The following TLN1 variants were observed in gnomAD, a reference collection of about 807,000 sequenced individuals.
The protein encoded by TLN1 is talin-1.
Under a neutral mutation model 292.3 loss-of-function variants are expected in TLN1, and 56 were observed. That is an observed-to-expected ratio of 0.19 (90% CI 0.15 to 0.24). The LOEUF is 0.24. Ranked by LOEUF, TLN1 falls within the 10% of genes least tolerant of loss-of-function variation. The probability of loss-of-function intolerance (pLI) is 1.00; values close to 1 mark genes in which losing one functional copy is unlikely to be tolerated. For synonymous variants in TLN1, 1,119 were observed against 1,253.7 expected (o/e 0.89, Z 2.27); for missense variants, 2,433 against 3,248.2 (o/e 0.75, Z 6.10).
chr9:35,731,238 C>T (rs1414550552), intron 1 of TLN1, among the ~76,000 whole-genome samples: 1 of 152,172 alleles, frequency 6.6e-6, no homozygotes, highest in Admixed American at 6.5e-5. Context: ...TGCTCAAGGT[C>T]AACTATGCTA....
At chr9:35,703,485 G>T in intron 48 of TLN1, 75 bp downstream of exon 48, 1 of 1,339,896 alleles carries the variant, frequency 7.5e-7, no homozygotes, top group Non-Finnish European at 1.1e-6. Context: ...GTGAGTATAT[G>T]TGTGGCACAG....
At position 35,730,486 on chromosome 9, in the gene TLN1, G is replaced by A. The variant is rs555333447; in HGVS notation, c.-34+1589C>T. Among the ~76,000 whole-genome samples the A allele has an allele frequency of 1.0e-3, 152 of 152,224 alleles. 2 individuals are homozygous for A. Among genetic ancestry groups the A allele is most frequent in the African/African-American group, 3.5e-3 (146 of 41,522 alleles). ...AAATTAAAAGAGGCTTAGATCCAGGGGGTGACACACAGCAGGGGATGGGAG... is the reference window on the plus strand; with the variant it reads ...AAATTAAAAGAGGCTTAGATCCAGGAGGTGACACACAGCAGGGGATGGGAG... On this transcript the variant is annotated intron_variant, in intron 1 of 56. Transcript: ENST00000314888.
Position 35,724,872 on chromosome 9 carries a change from TAG to T in TLN1, c.314_315del (p.Ser105Ter). The T allele has an allele frequency of 6.2e-7, 1 of 1,614,176 alleles. No homozygotes were observed. Among genetic ancestry groups the T allele is most frequent in the Non-Finnish European group, 8.5e-7 (1 of 1,180,022 alleles). On this transcript the variant is annotated frameshift_variant, in exon 4 of 57. Transcript: ENST00000314888. LOFTEE classifies it high-confidence loss of function. This position sits in a 1 kb window ranked among gnomAD's most constrained non-coding sequence, Gnocchi z 4.7. ...GTCATGAGCATGTCAGTGACAGTCT[TAG>T]AGTCATCCACCATGATCGTCTTCAC... is the stretch of plus-strand genomic sequence containing the variant. ...GTVKTIMVDD[S>X]KTVTDMLMTI...
In TLN1 at chr9:35,698,617, A is replaced by G; in HGVS notation, c.7188T>C (p.Ala2396=). 4 of 1,614,180 alleles carry G rather than the reference A, an allele frequency of 2.5e-6. No homozygotes were observed. The highest frequency in any genetic ancestry group is 3.4e-6 in the Non-Finnish European group (4 of 1,180,038). The change falls in exon 54 of 57, where the codon GCT becomes GCC. Residue 2396 remains alanine (A), a splice_region_variant and synonymous_variant. Transcript: ENST00000314888. The surrounding 1 kb of genome is among the most constrained non-coding windows in gnomAD (Gnocchi z 5.3). The part of the protein sequence containing the change: ...DGQWSQGLIS[A]ARMVAAATNN... ...AGACCTAGTGGTATTGCACACTTAC[A>G]GCAGAAATGAGGCCCTGGGACCACT...
At chr9:35,720,002 A>T in intron 13 of TLN1, 37 bp downstream of exon 13, 8 of 1,579,620 alleles carry the variant, frequency 5.1e-6, no homozygotes, top group Non-Finnish European at 6.9e-6. Context: ...AGGGTGAGAG[A>T]AGGGCCCTGG....
At position 35,722,931 on chromosome 9, in the gene TLN1, A is replaced by G; in HGVS notation, c.783-10T>C. On this transcript the variant is annotated splice_polypyrimidine_tract_variant and intron_variant, in intron 7 of 56. Transcript: ENST00000314888. ...CAGGAAGTCCTTCAGGCTACACCAGAAAAGGGAGGGTCAGCATGTGGTAGA... is the reference window on the plus strand; with the variant it reads ...CAGGAAGTCCTTCAGGCTACACCAGGAAAGGGAGGGTCAGCATGTGGTAGA... 15 of 1,613,572 alleles carry G rather than the reference A, an allele frequency of 9.3e-6. No individual in the cohort carries two copies. Among genetic ancestry groups the G allele is most frequent in the Non-Finnish European group, 1.3e-5 (15 of 1,179,680 alleles).
Position 35,717,521 on chromosome 9 carries a change from TGAG to T in TLN1, c.2164-84_2164-82del. 2 of 1,575,946 alleles carry T rather than the reference TGAG, an allele frequency of 1.3e-6. No homozygotes were observed. The highest frequency in any genetic ancestry group is 1.7e-6 in the Non-Finnish European group (2 of 1,155,504). On this transcript the variant is annotated intron_variant, in intron 18 of 56. Coordinates refer to ENST00000314888, the MANE Select transcript of TLN1 (RefSeq NM_006289.4). The surrounding 1 kb of genome is among the most constrained non-coding windows in gnomAD (Gnocchi z 4.7). ...TGCTCATAGCAGTAACTGGGATGGGTGAGGAGGCCTCCAGAGCCAAAGAAATAA... is the reference window on the plus strand; with the variant it reads ...TGCTCATAGCAGTAACTGGGATGGGTGAGGCCTCCAGAGCCAAAGAAATAA...
Position 35,706,833 on chromosome 9 carries a change from G to T in TLN1, c.5023C>A (p.Leu1675Ile). 6.2e-7 allele frequency: 1 copy of T among 1,614,024 alleles called. No homozygotes were observed. The highest frequency in any genetic ancestry group is 8.5e-7 in the Non-Finnish European group (1 of 1,180,024). ...ACTGCAGCGAGGGAAGCCTGGTCTAGGTCCCGTAGACAACTGTTCAGAGCT... is the reference window on the plus strand; with the variant it reads ...ACTGCAGCGAGGGAAGCCTGGTCTATGTCCCGTAGACAACTGTTCAGAGCT... ...IAALNSCLRDLDQASLAAVSQ... is the reference protein window; with the variant it reads ...IAALNSCLRDIDQASLAAVSQ... Residue 1675 changes from leucine to isoleucine, a missense_variant, in exon 38 of 57, where the codon CTA (leucine) becomes ATA (isoleucine). By Grantham distance (5) the Leu-to-Ile change is conservative (BLOSUM62 2). Around this residue, in one of 7 missense-constraint regions of TLN1, gnomAD observed 1,384 missense variants for 1,699.6 expected, o/e 0.81. Transcript: ENST00000314888. This position sits in a 1 kb window ranked among gnomAD's most constrained non-coding sequence, Gnocchi z 4.2.
chr9:35,714,093 A>C lies in TLN1; in HGVS notation c.3121-12T>G, dbSNP rs779381876. 2 of 1,613,814 alleles carry C rather than the reference A, an allele frequency of 1.2e-6. No homozygotes were observed. Among genetic ancestry groups the C allele is most frequent in the South Asian group, 1.1e-5 (1 of 91,076 alleles). On this transcript the variant is annotated splice_polypyrimidine_tract_variant and intron_variant, in intron 24 of 56. Coordinates refer to ENST00000314888, the MANE Select transcript of TLN1 (RefSeq NM_006289.4). This position sits in a 1 kb window ranked among gnomAD's most constrained non-coding sequence, Gnocchi z 4.6. ...CATGCTTCCTGAGCCTATGATAAGA[A>C]AGGGGTTTTGGGTGTAGAAGGTCCT...
Position 35,707,236 on chromosome 9 carries a change from C to T in TLN1, c.4791G>A (p.Glu1597=). 2.5e-6 allele frequency: 4 copies of T among 1,603,510 alleles called. No homozygotes were observed. The highest frequency in any genetic ancestry group is 1.1e-5 in the South Asian group (1 of 90,746). The change falls in exon 37 of 57, where the codon GAG becomes GAA. Residue 1597 remains glutamate (E), a synonymous_variant. Transcript: ENST00000314888. The surrounding 1 kb of genome is among the most constrained non-coding windows in gnomAD (Gnocchi z 5.6). The stretch of plus-strand genomic sequence containing the variant: ...TTGTCTTGGCAGAGATCACAATGGG[C>T]TCCATGGCAGCCCGACCCTGGGGAG... ...QISPEGRAAM[E]PIVISAKTML...
In TLN1 at chr9:35,700,431, C is replaced by T. The variant is rs1253910303; in HGVS notation, c.6475-55G>A. On this transcript the variant is annotated intron_variant, in intron 48 of 56. Coordinates refer to ENST00000314888, the MANE Select transcript of TLN1 (RefSeq NM_006289.4). Reference sequence around the variant, plus strand: ...TACAGTGGCTGAGACTATGAGACAGCGTAGAACTCTGTGTGCATGTGATTT... The same window carrying T: ...TACAGTGGCTGAGACTATGAGACAGTGTAGAACTCTGTGTGCATGTGATTT... 10 of 1,522,632 alleles carry T rather than the reference C, an allele frequency of 6.6e-6. No individual in the cohort carries two copies. In the Admixed American group the frequency reaches 7.7e-5, roughly 12 times the overall value. 94.3% of individuals were successfully genotyped at this position (1,522,632 alleles called of 1,614,324 possible).
At chr9:35,723,059 G>C in intron 7 of TLN1, 138 bp from the exon 8 acceptor site, 1 of 665,206 alleles carries the variant, frequency 1.5e-6, no homozygotes, top group African/African-American at 1.8e-5. Flanking sequence ...TGAGGGAATA[G>C]AGTCTAGATT....
At chr9:35,728,044 T>C (rs1826008579) in intron 1 of TLN1, among the ~76,000 whole-genome samples, 5 of 152,098 alleles carry the variant, frequency 3.3e-5, no homozygotes, top group Admixed American at 3.3e-4. Flanking sequence ...TTGTGTTTGA[T>C]GGAACAGCAA....
rs554322034 is a variant in TLN1 at position 35,722,784 on chromosome 9, AGGG to A, written c.843+74_843+76del. On this transcript the variant is annotated intron_variant, in intron 8 of 56. Coordinates refer to ENST00000314888, the MANE Select transcript of TLN1 (RefSeq NM_006289.4). ...AAGTTAGGGGAGACGGGGAGGAGGC[AGGG>A]GGCCATTTAGTCAGTAAGATTAAGC... 2.7e-6 allele frequency: 4 copies of A among 1,460,970 alleles called. No individual in the cohort carries two copies. In the African/African-American group the frequency reaches 4.2e-5, roughly 15 times the overall value. 90.5% of individuals were successfully genotyped at this position (1,460,970 alleles called of 1,614,324 possible). A position where few individuals can be genotyped will look rare whatever the true frequency, so the allele number is the denominator to read the frequency against.
rs1186942088 is a variant in TLN1 at position 35,710,696 on chromosome 9, G to A, written c.4204-13C>T. On this transcript the variant is annotated splice_polypyrimidine_tract_variant and intron_variant, in intron 32 of 56. Transcript: ENST00000314888. ...CCTCGCCCAGCACCTGAGGAACAGA[G>A]GACATCAGGGGAGTCAGAGCATGTC... 6 of 1,613,880 alleles carry A rather than the reference G, an allele frequency of 3.7e-6. No individual in the cohort carries two copies. In the African/African-American group the frequency reaches 5.3e-5, roughly 14 times the overall value.
chr9:35,723,892 TG>T, intron 7 of TLN1, 59 bp downstream of exon 7: 1 of 1,600,236 alleles, frequency 6.2e-7, no homozygotes, highest in Non-Finnish European at 8.5e-7. Flanking sequence ...ACAGGCCCAC[TG>T]GGGTCACAAT....
intron 34 of TLN1, 92 bp downstream of exon 34, chr9:35,708,249 C>A: frequency 6.9e-7 from 1 of 1,448,516 alleles, no homozygotes. Context: ...TGGGTCCCTG[C>A]CCTCTTTCCC....
At position 35,724,999 on chromosome 9, in the gene TLN1, C is replaced by A. The variant is rs754432408; in HGVS notation, c.229-40G>T. On this transcript the variant is annotated intron_variant, in intron 3 of 56. Transcript: ENST00000314888. The surrounding 1 kb of genome is among the most constrained non-coding windows in gnomAD (Gnocchi z 4.7). ...AGAAGAGACAGGGGCCTACTCTGAGCTAGGGGTATTATTTCCTCTTTACAC... is the reference window on the plus strand; with the variant it reads ...AGAAGAGACAGGGGCCTACTCTGAGATAGGGGTATTATTTCCTCTTTACAC... 3 of 1,612,832 alleles carry A rather than the reference C, an allele frequency of 1.9e-6. No individual in the cohort carries two copies. Among genetic ancestry groups the A allele is most frequent in the Non-Finnish European group, 1.7e-6 (2 of 1,179,776 alleles).
chr9:35,717,836 C>G lies in TLN1; in HGVS notation c.1996-50G>C. The G allele has an allele frequency of 1.3e-6, 2 of 1,565,618 alleles. No homozygotes were observed. The highest frequency in any genetic ancestry group is 1.7e-6 in the Non-Finnish European group (2 of 1,147,960). ...GACCTGAGATTGGGCTTGGGATTCA[C>G]AGACACTTCTCAGAGGCGTAAGCTG... is the stretch of plus-strand genomic sequence containing the variant. On this transcript the variant is annotated intron_variant, in intron 17 of 56. Transcript: ENST00000314888. This position sits in a 1 kb window ranked among gnomAD's most constrained non-coding sequence, Gnocchi z 4.7.
Sources: gnomAD v4.1 joint callset for allele counts (sites outside exome capture counted in the v4.1 genomes callset) on GRCh38, gnomAD v4.1.1 for gene constraint, gnomAD v4.1.1 regional missense constraint, Gnocchi (gnomAD v3.1) non-coding constraint, MANE v1.5 for transcripts, NCBI Gene and HGNC (gene_info 2026-07-23, HGNC 2026-07-21) for gene names.